The following HSPA12B variants were observed in gnomAD, a reference collection of about 807,000 sequenced individuals.
The protein encoded by HSPA12B is heat shock 70 kDa protein 12B.
HSPA12B carries 54 observed loss-of-function variants against 69.3 expected under a neutral mutation model. That is an observed-to-expected ratio of 0.78 (90% CI 0.63 to 0.98). HSPA12B has a LOEUF of 0.98. Ranked by LOEUF, HSPA12B falls within the 50% of genes least tolerant of loss-of-function variation. HSPA12B has a pLI of 0.00. For missense variants in HSPA12B, 929 were observed against 999.8 expected (o/e 0.93, Z 0.96); for synonymous variants, 441 against 436.5 (o/e 1.01, Z -0.13).
intron 2 of HSPA12B, 73 bp downstream of exon 2, chr20:3,738,790 T>C: frequency 6.7e-7 from 1 of 1,496,510 alleles, no homozygotes; most frequent in Non-Finnish European, 9.3e-7. Flanking sequence ...CACCTACAGG[T>C]TGTGCAATGT....
In HSPA12B at chr20:3,749,749, G is replaced by A. The variant is rs764175649; in HGVS notation, c.938-1G>A. The A allele has an allele frequency of 1.9e-6, 3 of 1,587,040 alleles. No individual in the cohort carries two copies. The highest frequency in any genetic ancestry group is 3.5e-5 in the Admixed American group (2 of 56,886). On this transcript the variant is annotated splice_acceptor_variant, in intron 9 of 12. Transcript: ENST00000254963. LOFTEE classifies it high-confidence loss of function. The surrounding 1 kb of genome is among the most constrained non-coding windows in gnomAD (Gnocchi z 5.5). ...GTGTGTGCCCGCGCTCGCCGCCGCA[G>A]GAGACCGCTACGTGGTGGCCGACTG...
intron 12 of HSPA12B, chr20:3,751,208 GCACAATGTCTTGCA>G: frequency 4.2e-6 from 4 of 960,866 alleles, no homozygotes; most frequent in Non-Finnish European, 5.0e-6. Context: ...CCTAGAGTGA[GCACAATGTCTTGCA>G]CACAATGTCT....
rs2146596750 is a variant in HSPA12B at position 3,752,312 on chromosome 20, A to C, written c.*146A>C. ...CTCCAGCCCCGGGGGAGATAAGGTCATGGGAGAGTGGGTGGGGACACACCC... is the reference window on the plus strand; with the variant it reads ...CTCCAGCCCCGGGGGAGATAAGGTCCTGGGAGAGTGGGTGGGGACACACCC... On this transcript the variant is annotated 3_prime_UTR_variant, in exon 13 of 13. Coordinates refer to ENST00000254963, the MANE Select transcript of HSPA12B (RefSeq NM_052970.5). The C allele has an allele frequency of 1.3e-6, 1 of 773,056 alleles. No individual in the cohort carries two copies. The highest frequency in any genetic ancestry group is 3.2e-5 in the East Asian group (1 of 30,982). 47.9% of individuals were successfully genotyped at this position (773,056 alleles called of 1,614,324 possible).
At chr20:3,733,347 G>A (rs1486612235) in intron 1 of HSPA12B, among the ~76,000 whole-genome samples, 1 of 152,118 alleles carries the variant, frequency 6.6e-6, no homozygotes, top group Non-Finnish European at 1.5e-5. Flanking sequence ...TGTGAGGTTA[G>A]CGTGTGTTGA....
chr20:3,746,582 G>A (rs547655979), intron 7 of HSPA12B, among the ~76,000 whole-genome samples: 2 of 152,268 alleles, frequency 1.3e-5, no homozygotes, highest in African/African-American at 2.4e-5. Flanking sequence ...GATTACAGGC[G>A]TGAGCCACCG....
rs1256330033 is a variant in HSPA12B at position 3,750,170 on chromosome 20, T to A, written c.1244T>A (p.Ile415Asn). 1 of 1,611,002 alleles carries A rather than the reference T, an allele frequency of 6.2e-7. No homozygotes were observed. The highest frequency in any genetic ancestry group is 1.3e-5 in the African/African-American group (1 of 74,874). Reference protein sequence around the residue: ...ALNISLPFSFIDFYRKQRGHN... With the variant: ...ALNISLPFSFNDFYRKQRGHN... ...AACATCTCGCTGCCCTTCTCCTTCA[T>A]TGACTTCTACCGCAAGCAGCGGGGC... Residue 415 changes from isoleucine to asparagine, a missense_variant, in exon 11 of 13, where the codon ATT (isoleucine) becomes AAT (asparagine). Physicochemically the swap from Ile to Asn is moderately radical, Grantham distance 149 (BLOSUM62 -3). Transcript: ENST00000254963.
chr20:3,748,793 C>T (rs983034143), intron 8 of HSPA12B, among the ~76,000 whole-genome samples: 2 of 152,072 alleles, frequency 1.3e-5, no homozygotes, highest in Admixed American at 6.5e-5. Flanking sequence ...CTTCACTCCC[C>T]TCATCTTCCC....
chr20:3,748,349 C>T lies in HSPA12B; in HGVS notation c.808C>T (p.Arg270Cys), dbSNP rs373904414. 8.1e-5 allele frequency: 130 copies of T among 1,609,084 alleles called. No individual in the cohort carries two copies. Among genetic ancestry groups the T allele is most frequent in the Non-Finnish European group, 1.0e-4 (119 of 1,178,036 alleles). Residue 270 changes from arginine to cysteine, a missense_variant, in exon 8 of 13, where the codon CGC becomes TGC. By Grantham distance (180) the Arg-to-Cys change is radical (BLOSUM62 -3). Coordinates refer to ENST00000254963, the MANE Select transcript of HSPA12B (RefSeq NM_052970.5). ...DLSGRAPGGG[R>C]LGERRSIDSS... The stretch of plus-strand genomic sequence containing the variant: ...GAGTGGCCGGGCCCCAGGTGGTGGG[C>T]GCCTGGGTGAGCGCCGCTCCATCGA...
chr20:3,749,690 G>C lies in HSPA12B; in HGVS notation c.938-60G>C. The stretch of plus-strand genomic sequence containing the variant: ...GCTGGAGGCTGGGCGAGGCTGGAGG[G>C]GGCGCAGGGCTGAGGGTGCGAGGCC... On this transcript the variant is annotated intron_variant, in intron 9 of 12. Transcript: ENST00000254963. This position sits in a 1 kb window ranked among gnomAD's most constrained non-coding sequence, Gnocchi z 5.5. 2.4e-6 allele frequency: 3 copies of C among 1,247,108 alleles called. No homozygotes were observed. Among genetic ancestry groups the C allele is most frequent in the Non-Finnish European group, 3.3e-6 (3 of 897,590 alleles). 77.3% of individuals were successfully genotyped at this position (1,247,108 alleles called of 1,614,324 possible).
chr20:3,750,068 C>G lies in HSPA12B; in HGVS notation c.1142C>G (p.Pro381Arg). 1 of 1,611,530 alleles carries G rather than the reference C, an allele frequency of 6.2e-7. No individual in the cohort carries two copies. Among genetic ancestry groups the G allele is most frequent in the African/African-American group, 1.3e-5 (1 of 75,040 alleles). ...ATCGCCACCTTCAAAAGGCAACGGC[C>G]GGCAGCCTGGGTAGATCTGACCATC... The part of the protein sequence containing the change: ...DFIATFKRQR[P>R]AAWVDLTIAF... Residue 381 changes from proline (P) to arginine (R), a missense_variant, in exon 11 of 13, where the codon CCG becomes CGG. Pro to Arg is a moderately radical substitution (Grantham distance 103, BLOSUM62 -2). Around this residue, in one of 3 missense-constraint regions of HSPA12B, gnomAD observed 477 missense variants for 535.2 expected, o/e 0.89. Coordinates refer to ENST00000254963, the MANE Select transcript of HSPA12B (RefSeq NM_052970.5).
chr20:3,739,437 G>C (rs56896670), intron 2 of HSPA12B, among the ~76,000 whole-genome samples: 4,106 of 152,266 alleles, frequency 0.027, 175 homozygotes, highest in African/African-American at 0.093. Flanking sequence ...TGGGTTCTCC[G>C]CAGGGGTGGG....
At chr20:3,747,124 G>T (rs554217538) in intron 7 of HSPA12B, among the ~76,000 whole-genome samples, 1 of 152,132 alleles carries the variant, frequency 6.6e-6, no homozygotes, top group African/African-American at 2.4e-5. Context: ...CAAGGAGTTG[G>T]GGGGGGCTCC....
Position 3,751,869 on chromosome 20 carries a change from G to C in HSPA12B, c.1764G>C (p.Glu588Asp), listed in dbSNP as rs774195077. The C allele has an allele frequency of 2.6e-6, 4 of 1,559,564 alleles. No individual in the cohort carries two copies. In the South Asian group the frequency reaches 4.7e-5, roughly 18 times the overall value. The change falls in exon 13 of 13, where the codon GAG (glutamate) becomes GAC (aspartate). Residue 588 changes from glutamate (E) to aspartate (D), a missense_variant. Glu to Asp is a conservative substitution (Grantham distance 45, BLOSUM62 2). Transcript: ENST00000254963. ...VAAEQSVALG[E>D]EVRRSYCPAR... ...CCGAGCAGTCGGTGGCCCTGGGCGA[G>C]GAGGTGCGGCGCAGCTACTGCCCGG...
In HSPA12B at chr20:3,749,202, T is replaced by A. The variant is rs779234864; in HGVS notation, c.851-30T>A. 6.3e-7 allele frequency: 1 copy of A among 1,599,654 alleles called. No individual in the cohort carries two copies. Among genetic ancestry groups the A allele is most frequent in the Admixed American group, 1.7e-5 (1 of 59,180 alleles). ...CCATAGCTGGAGCACCTCCTTCTAA[T>A]CTCACTCCCTGCTGTCTCCTGACCC... On this transcript the variant is annotated intron_variant, in intron 8 of 12. Transcript: ENST00000254963. The surrounding 1 kb of genome is among the most constrained non-coding windows in gnomAD (Gnocchi z 5.5).
In HSPA12B at chr20:3,749,086, C is replaced by T; in HGVS notation, c.851-146C>T. 3.0e-6 allele frequency: 2 copies of T among 656,554 alleles called. No individual in the cohort carries two copies. The highest frequency in any genetic ancestry group is 2.7e-6 in the Non-Finnish European group (1 of 375,250). The allele number at this position is 656,554 out of a possible 1,614,324, so 40.7% of individuals were successfully genotyped here. On this transcript the variant is annotated intron_variant, in intron 8 of 12. Coordinates refer to ENST00000254963, the MANE Select transcript of HSPA12B (RefSeq NM_052970.5). The surrounding 1 kb of genome is among the most constrained non-coding windows in gnomAD (Gnocchi z 5.5). Reference sequence around the variant, plus strand: ...TGGGAGTTTGGGGTTCAGGATTGCCCTCTCCCAGTCAGGAGCAGGTTGGAG... The same window carrying T: ...TGGGAGTTTGGGGTTCAGGATTGCCTTCTCCCAGTCAGGAGCAGGTTGGAG...
chr20:3,743,129 G>T (rs541014669), intron 4 of HSPA12B, among the ~76,000 whole-genome samples: 10 of 148,252 alleles, frequency 6.7e-5, no homozygotes, highest in Non-Finnish European at 1.2e-4. Flanking sequence ...CGGGTGATCC[G>T]CCAGCCTCGG....
intron 7 of HSPA12B, among the ~76,000 whole-genome samples, chr20:3,747,729 A>G (rs1165633643): frequency 1.3e-5 from 2 of 152,178 alleles, no homozygotes; most frequent in African/African-American, 2.4e-5. Context: ...GGGGTGGCCT[A>G]TGGCTACCGT....
intron 4 of HSPA12B, among the ~76,000 whole-genome samples, chr20:3,743,137 C>T (rs905750980): frequency 4.0e-5 from 6 of 150,154 alleles, no homozygotes; most frequent in African/African-American, 9.8e-5. Flanking sequence ...CCGCCAGCCT[C>T]GGCCTCCCAG....
intron 1 of HSPA12B, among the ~76,000 whole-genome samples, chr20:3,734,051 C>T (rs961354211): frequency 3.3e-5 from 5 of 152,178 alleles, no homozygotes; most frequent in Admixed American, 6.5e-5. Flanking sequence ...GCCTGTAATC[C>T]CAGCACTTTG....
Sources: allele counts gnomAD v4.1 joint callset (sites outside exome capture counted in the v4.1 genomes callset), GRCh38; gene constraint gnomAD v4.1.1; regional missense constraint gnomAD v4.1.1; non-coding constraint Gnocchi (gnomAD v3.1); transcripts MANE v1.5; gene names NCBI Gene and HGNC (gene_info 2026-07-23, HGNC 2026-07-21).